Variants in PIGZ observed in about 807,000 individuals in gnomAD.
PIGZ encodes the protein phosphatidylinositol glycan anchor biosynthesis class Z (Gwada blood group), also known as GPI alpha-1,2-mannosyltransferase 4.
A neutral mutation model predicts 16.4 loss-of-function variants in PIGZ; 16 were observed. The observed-to-expected ratio is 0.97, with a 90% CI of 0.66 to 1.48. The LOEUF is 1.48. PIGZ is among the 40% of genes most tolerant of loss of function. The pLI is 0.00. For synonymous variants in PIGZ, 409 were observed against 338.4 expected (o/e 1.21, Z -2.29); for missense variants, 770 against 739.2 (o/e 1.04, Z -0.48).
chr3:196,967,544 C>G (rs993958796), intron 1 of PIGZ, among the ~76,000 whole-genome samples: 4 of 152,344 alleles, frequency 2.6e-5, no homozygotes, highest in African/African-American at 9.6e-5. Context: ...CTCCCGCCCT[C>G]AGGACTAAGA....
chr3:196,947,240 G>A lies in PIGZ; in HGVS notation c.1657C>T (p.Pro553Ser). Reference sequence around the variant, plus strand: ...CTCAGCAAGGAGGACAGGGCTGGTGGATCCTCCAGGGTCAGATGGGGAAAT... The same window carrying A: ...CTCAGCAAGGAGGACAGGGCTGGTGAATCCTCCAGGGTCAGATGGGGAAAT... ...LLFPHLTLED[P>S]PALSSLLSGA... The change falls in exon 3 of 3, where the codon CCA becomes TCA. Residue 553 changes from proline to serine, a missense_variant. Pro to Ser is a moderately conservative substitution (Grantham distance 74). Transcript: ENST00000412723. 1 of 1,612,036 alleles carries A rather than the reference G, an allele frequency of 6.2e-7. No individual in the cohort carries two copies. The highest frequency in any genetic ancestry group is 8.5e-7 in the Non-Finnish European group (1 of 1,178,904).
intron 1 of PIGZ, among the ~76,000 whole-genome samples, chr3:196,959,753 T>C (rs2108913774): frequency 6.6e-6 from 1 of 152,344 alleles, no homozygotes; most frequent in South Asian, 2.1e-4. Flanking sequence ...TTCCGCGTTG[T>C]CAAAACCATT....
rs138471873 is a variant in PIGZ at position 196,951,966 on chromosome 3, C to T, written c.66G>A (p.Pro22=). The T allele has an allele frequency of 5.8e-5, 94 of 1,614,064 alleles. No individual in the cohort carries two copies. Among genetic ancestry groups the T allele is most frequent in the African/African-American group, 2.0e-4 (15 of 74,910 alleles). ...AAGTSFQVLG[P]VCWQQLDLKM... ...TCAGATCCAGTTGTTGCCAACACAC[C>T]GGGCCCAAAACCTGGAATGATGTCC... The change falls in exon 2 of 3, where the codon CCG becomes CCA. Residue 22 remains proline (P), a synonymous_variant. Transcript: ENST00000412723.
At chr3:196,951,400 C>G (rs1358389844) in intron 2 of PIGZ, 4 of 254,044 alleles carry the variant, frequency 1.6e-5, no homozygotes, top group Non-Finnish European at 3.1e-5. Flanking sequence ...AGTGAGTGTC[C>G]CAGGTCTGGG....
chr3:196,962,015 C>T (rs548897954), intron 1 of PIGZ, among the ~76,000 whole-genome samples: 34 of 152,174 alleles, frequency 2.2e-4, no homozygotes, highest in African/African-American at 7.5e-4. Context: ...TCCTGAACTT[C>T]CATATGAATG....
At chr3:196,948,838 CCTCT>C (rs1186410278) in intron 2 of PIGZ, among the ~76,000 whole-genome samples, 153 bp from the exon 3 acceptor site, 1 of 147,618 alleles carries the variant, frequency 6.8e-6, no homozygotes, top group African/African-American at 2.5e-5. Context: ...CCCTTCCCTC[CCTCT>C]CTCCCTCCTT....
chr3:196,964,775 C>T (rs1437136082), intron 1 of PIGZ, among the ~76,000 whole-genome samples: 2 of 152,166 alleles, frequency 1.3e-5, no homozygotes, highest in Non-Finnish European at 2.9e-5. Context: ...CTCACTCTGT[C>T]ACCCAGGCTG....
At chr3:196,949,574 C>T (rs534233482) in intron 2 of PIGZ, among the ~76,000 whole-genome samples, 15 of 152,344 alleles carry the variant, frequency 9.8e-5, no homozygotes, top group African/African-American at 3.6e-4. Flanking sequence ...CTGATGTCCA[C>T]CTTGTGAGCA....
intron 1 of PIGZ, among the ~76,000 whole-genome samples, chr3:196,967,565 G>A (rs1717981763): frequency 6.6e-6 from 1 of 152,192 alleles, no homozygotes; most frequent in Non-Finnish European, 1.5e-5. Flanking sequence ...TCTTGTTCCA[G>A]TCCTCCAGTC....
chr3:196,963,842 T>C (rs1008565707), intron 1 of PIGZ, among the ~76,000 whole-genome samples: 1 of 152,182 alleles, frequency 6.6e-6, no homozygotes, highest in Non-Finnish European at 1.5e-5. Flanking sequence ...TGTCCACCCC[T>C]TAAATGTCAA....
Position 196,956,331 on chromosome 3 carries a change from G to A in PIGZ, c.1-4300C>T, listed in dbSNP as rs1314614525. 2.0e-5 allele frequency among the ~76,000 whole-genome samples: 3 copies of A among 152,298 alleles called. No homozygotes were observed. The South Asian group carries it at 6.2e-4, about 32-fold the overall frequency. On this transcript the variant is annotated intron_variant, in intron 1 of 2. Transcript: ENST00000412723. ...GGAGGCCTCACAATCATGGTGGAAGGCAAAGGCACGTCTTACATGGCAGCA... is the reference window on the plus strand; with the variant it reads ...GGAGGCCTCACAATCATGGTGGAAGACAAAGGCACGTCTTACATGGCAGCA...
Position 196,950,620 on chromosome 3 carries a change from G to A in PIGZ, c.211+1201C>T, listed in dbSNP as rs1717239000. Among the ~76,000 whole-genome samples the A allele has an allele frequency of 2.0e-5, 3 of 152,104 alleles. No individual in the cohort carries two copies. The East Asian group carries it at 5.8e-4, about 30-fold the overall frequency. The stretch of plus-strand genomic sequence containing the variant: ...TCAAATCTATCTGGCTGCTTTTCTG[G>A]TTAAAAAACGACGTGAGGGAAAGAA... On this transcript the variant is annotated intron_variant, in intron 2 of 2. Transcript: ENST00000412723.
At position 196,947,757 on chromosome 3, in the gene PIGZ, C is replaced by A; in HGVS notation, c.1140G>T (p.Leu380=). 1 of 1,611,788 alleles carries A rather than the reference C, an allele frequency of 6.2e-7. No individual in the cohort carries two copies. Among genetic ancestry groups the A allele is most frequent in the Non-Finnish European group, 8.5e-7 (1 of 1,178,892 alleles). ...LLLLYFMPLA[L]LSAFSHQEAR... is the part of the protein sequence containing the mutation. ...CCTCCTGGTGGCTAAAGGCAGATAG[C>A]AGGGCCAGAGGCATGAAGTAGAGGA... is the stretch of plus-strand genomic sequence containing the variant. Residue 380 remains leucine, a synonymous_variant, in exon 3 of 3, where the codon CTG becomes CTT. Transcript: ENST00000412723.
At chr3:196,952,927 A>G (rs1387226602) in intron 1 of PIGZ, among the ~76,000 whole-genome samples, 1 of 152,134 alleles carries the variant, frequency 6.6e-6, no homozygotes. Context: ...TTCAGACTCT[A>G]TGTCTCACAC....
intron 1 of PIGZ, among the ~76,000 whole-genome samples, chr3:196,961,754 T>C (rs778953787): frequency 6.6e-6 from 1 of 152,240 alleles, no homozygotes; most frequent in South Asian, 2.1e-4. Context: ...GAAGTGTCTG[T>C]ATTTTTGAGG....
chr3:196,952,132 A>G lies in PIGZ; in HGVS notation c.1-101T>C, dbSNP rs369653627. 240 of 1,074,010 alleles carry G rather than the reference A, an allele frequency of 2.2e-4. 1 individual carries two copies. The South Asian group carries it at 3.4e-3, about 15-fold the overall frequency. The allele number at this position is 1,074,010 out of a possible 1,614,324, so 66.5% of individuals were successfully genotyped here. A position where few individuals can be genotyped will look rare whatever the true frequency, so the allele number is the denominator to read the frequency against. On this transcript the variant is annotated intron_variant, in intron 1 of 2. Coordinates refer to ENST00000412723, the MANE Select transcript of PIGZ (RefSeq NM_025163.4). ...GATCTGTCATTTAATAAAAATGACA[A>G]TAATAATAATAGCTACTTCATACTC...
At chr3:196,961,059 C>G (rs542351772) in intron 1 of PIGZ, among the ~76,000 whole-genome samples, 71 of 152,234 alleles carry the variant, frequency 4.7e-4, no homozygotes, top group Middle Eastern at 6.8e-3. Context: ...TTCCTTCTAG[C>G]GAGTAAGGTA....
chr3:196,955,194 C>T lies in PIGZ; in HGVS notation c.1-3163G>A, dbSNP rs188060909. On this transcript the variant is annotated intron_variant, in intron 1 of 2. Coordinates refer to ENST00000412723, the MANE Select transcript of PIGZ (RefSeq NM_025163.4). ...TCCCACCTTGGCCTCCCAAAGTGCTCGGATTACATGCATGAGCCACCTTGC... is the reference window on the plus strand; with the variant it reads ...TCCCACCTTGGCCTCCCAAAGTGCTTGGATTACATGCATGAGCCACCTTGC... 2.3e-4 allele frequency among the ~76,000 whole-genome samples: 35 copies of T among 152,208 alleles called. No individual in the cohort carries two copies. In the East Asian group the frequency reaches 4.6e-3, roughly 20 times the overall value.
intron 1 of PIGZ, among the ~76,000 whole-genome samples, chr3:196,961,810 G>A (rs1033395175): frequency 4.6e-5 from 7 of 152,080 alleles, no homozygotes; most frequent in African/African-American, 1.4e-4. Context: ...TTAATATACC[G>A]TATAATTTTA....
Sources: allele counts gnomAD v4.1 joint callset (sites outside exome capture counted in the v4.1 genomes callset), GRCh38; gene constraint gnomAD v4.1.1; transcripts MANE v1.5; gene names NCBI Gene and HGNC (gene_info 2026-07-23, HGNC 2026-07-21).